DCC: variants seen among roughly 807,000 people sequenced by gnomAD.
The protein encoded by DCC is netrin receptor DCC.
Under a neutral mutation model 172.5 loss-of-function variants are expected in DCC, and 58 were observed. The ratio of observed to expected loss-of-function variants is 0.34; its 90% CI spans 0.27 to 0.42. The LOEUF (loss-of-function observed/expected upper bound fraction) is 0.42, where lower values mean the gene tolerates loss of function less well. DCC is among the 10% of genes least tolerant of loss of function. The pLI is 1.00. For missense variants in DCC, 1,740 were observed against 1,791.0 expected (o/e 0.97, Z 0.51); for synonymous variants, 709 against 644.5 (o/e 1.10, Z -1.52).
intron 5 of DCC, among the ~76,000 whole-genome samples, chr18:53,009,817 C>G (rs376514094): frequency 8.6e-5 from 13 of 151,848 alleles, no homozygotes; most frequent in African/African-American, 2.7e-4. Flanking sequence ...CATATGCTTC[C>G]CCTGCAGGCT....
chr18:52,360,668 C>CA (rs1984580204), intron 1 of DCC, among the ~76,000 whole-genome samples: 1 of 151,998 alleles, frequency 6.6e-6, no homozygotes, highest in African/African-American at 2.4e-5. Context: ...AGAGATGGTG[C>CA]ATGATTTAAA....
chr18:52,610,179 ATATATATATAT>A (rs1484827019), intron 1 of DCC, among the ~76,000 whole-genome samples: 1 of 8,744 alleles, frequency 1.1e-4, no homozygotes, highest in African/African-American at 5.8e-4. Context: ...AAAAAAAAAA[ATATATATATAT>A]ATATATATAT....
intron 2 of DCC, among the ~76,000 whole-genome samples, chr18:52,861,700 C>T (rs1185443449): frequency 1.3e-5 from 2 of 152,088 alleles, no homozygotes; most frequent in South Asian, 2.1e-4. Context: ...CAGTTCAGGA[C>T]CACGTAATTA....
intron 7 of DCC, among the ~76,000 whole-genome samples, chr18:53,109,033 T>C (rs956913193): frequency 6.6e-5 from 10 of 151,248 alleles, no homozygotes; most frequent in African/African-American, 2.2e-4. Context: ...CTAGTACTTA[T>C]AAGAGTTGCA....
intron 2 of DCC, among the ~76,000 whole-genome samples, chr18:52,849,865 T>C (rs2145337145): frequency 6.6e-6 from 1 of 152,276 alleles, no homozygotes; most frequent in Non-Finnish European, 1.5e-5. Context: ...CATGGGCTTT[T>C]CCACTTTACT....
intron 15 of DCC, among the ~76,000 whole-genome samples, chr18:53,347,763 A>G (rs1051244651): frequency 9.2e-5 from 14 of 152,104 alleles, no homozygotes; most frequent in Non-Finnish European, 1.5e-4. Flanking sequence ...AGGCAAGGAG[A>G]AGCAAGTCAC....
At chr18:53,028,383 C>T (rs1008351693) in intron 5 of DCC, among the ~76,000 whole-genome samples, 2 of 151,978 alleles carry the variant, frequency 1.3e-5, no homozygotes, top group African/African-American at 4.8e-5. Flanking sequence ...CCCTGTCCCC[C>T]CAGCTAAACA....
rs1144087 is a variant in DCC, at chr18:52,571,086, A to G, written c.92-180968A>G. On this transcript the variant is annotated intron_variant, in intron 1 of 28. Coordinates refer to ENST00000442544, the MANE Select transcript of DCC (RefSeq NM_005215.4). ...TATGCCACGATTAGTTACAAGGTGC[A>G]CAAAAACTTTTTCTAGCTTGAGTAA... Among the ~76,000 whole-genome samples, 1,247 of 152,280 alleles carry G rather than the reference A, an allele frequency of 8.2e-3. 5 individuals are homozygous for G. The highest frequency in any genetic ancestry group is 0.037 in the Middle Eastern group (11 of 294).
chr18:52,646,495 A>T (rs2035021585), intron 1 of DCC, among the ~76,000 whole-genome samples: 1 of 152,154 alleles, frequency 6.6e-6, no homozygotes, highest in Non-Finnish European at 1.5e-5. Context: ...ACTGCCTGTT[A>T]CTTCAGATGC....
intron 15 of DCC, among the ~76,000 whole-genome samples, chr18:53,351,401 GTA>G (rs1216427865): frequency 0.14 from 1,621 of 11,814 alleles, 242 homozygotes; most frequent in African/African-American, 0.34. Context: ...TATATACAGT[GTA>G]TATATATATA....
At chr18:52,626,257 T>C (rs1254028293) in intron 1 of DCC, among the ~76,000 whole-genome samples, 1 of 152,172 alleles carries the variant, frequency 6.6e-6, no homozygotes, top group South Asian at 2.1e-4. Flanking sequence ...GCCATATAGA[T>C]GGAAAACCAT....
intron 2 of DCC, among the ~76,000 whole-genome samples, chr18:52,813,181 T>A (rs938321345): frequency 3.9e-5 from 6 of 151,922 alleles, no homozygotes; most frequent in Admixed American, 2.6e-4. Flanking sequence ...AGGAAAAATC[T>A]TCTTAAATTT....
At chr18:52,980,944 A>T (rs935585332) in intron 5 of DCC, among the ~76,000 whole-genome samples, 6 of 145,606 alleles carry the variant, frequency 4.1e-5, no homozygotes, top group African/African-American at 1.5e-4. Flanking sequence ...ACATACTGCT[A>T]TTTTTTTTTT....
At chr18:53,433,266 G>A (rs1156675270) in intron 21 of DCC, among the ~76,000 whole-genome samples, 4 of 152,120 alleles carry the variant, frequency 2.6e-5, no homozygotes, top group Non-Finnish European at 5.9e-5. Flanking sequence ...TCTAAGGGGT[G>A]CTGTACCCAT....
chr18:53,526,601 G>A lies in DCC; in HGVS notation c.4112-16G>A. Reference sequence around the variant, plus strand: ...TGTTTTCTACATTACTTTCATCACTGTGTTTTCTATTTCAGGGCCCACTCT... The same window carrying A: ...TGTTTTCTACATTACTTTCATCACTATGTTTTCTATTTCAGGGCCCACTCT... On this transcript the variant is annotated splice_polypyrimidine_tract_variant and intron_variant, in intron 27 of 28. Transcript: ENST00000442544. The A allele has an allele frequency of 6.2e-7, 1 of 1,612,902 alleles. No homozygotes were observed. Among genetic ancestry groups the A allele is most frequent in the Non-Finnish European group, 8.5e-7 (1 of 1,179,174 alleles).
At chr18:53,241,708 G>A (rs530001606) in intron 12 of DCC, among the ~76,000 whole-genome samples, 4 of 152,282 alleles carry the variant, frequency 2.6e-5, no homozygotes, top group East Asian at 1.9e-4. Context: ...AGCATGGCCA[G>A]CCAGGGCGAA....
At chr18:53,247,149 C>A (rs1000112001) in intron 12 of DCC, among the ~76,000 whole-genome samples, 7 of 151,998 alleles carry the variant, frequency 4.6e-5, no homozygotes, top group Non-Finnish European at 7.4e-5. Flanking sequence ...TGGAAGAGGA[C>A]AACCTTAGAT....
chr18:52,731,911 T>C (rs2036648498), intron 1 of DCC, among the ~76,000 whole-genome samples: 1 of 152,214 alleles, frequency 6.6e-6, no homozygotes, highest in Admixed American at 6.6e-5. Context: ...TACAGTAATT[T>C]TTGTTCTATT....
intron 7 of DCC, among the ~76,000 whole-genome samples, chr18:53,110,142 C>G (rs200582104): frequency 6.6e-6 from 1 of 151,552 alleles, no homozygotes; most frequent in East Asian, 2.0e-4. Flanking sequence ...TCTCACTATC[C>G]CTGAGTTAGA....
Sources: allele counts gnomAD v4.1 joint callset (sites outside exome capture counted in the v4.1 genomes callset), GRCh38; gene constraint gnomAD v4.1.1; transcripts MANE v1.5; gene names NCBI Gene and HGNC (gene_info 2026-07-23, HGNC 2026-07-21).